PSMA8: variants seen among roughly 807,000 people sequenced by gnomAD.
The protein encoded by PSMA8 is proteasome subunit alpha-type 8.
Under a neutral mutation model 32.4 loss-of-function variants are expected in PSMA8, and 18 were observed. That is an observed-to-expected ratio of 0.56 (90% CI 0.38 to 0.82). PSMA8 has a LOEUF of 0.82. Ranked by LOEUF, PSMA8 falls within the 40% of genes least tolerant of loss-of-function variation. The pLI, the probability that PSMA8 is intolerant of heterozygous loss-of-function variation, is 0.00. For synonymous variants in PSMA8, 104 were observed against 98.1 expected, an observed-to-expected ratio of 1.06 and a Z score of -0.36; for missense variants, 298 against 300.7, an observed-to-expected ratio of 0.99 and a Z score of 0.07.
Position 26,171,392 on chromosome 18 carries a change from A to T in PSMA8, c.478-7438A>T, listed in dbSNP as rs994310526. 7 of 1,151,780 alleles carry T rather than the reference A, an allele frequency of 6.1e-6. No individual in the cohort carries two copies. In the African/African-American group the frequency reaches 1.3e-4, roughly 22 times the overall value. The allele number at this position is 1,151,780 out of a possible 1,614,324, so 71.3% of individuals were successfully genotyped here. On this transcript the variant is annotated intron_variant, in intron 4 of 6. Transcript: ENST00000415576. Reference sequence around the variant, plus strand: ...GTTATGACATACCAAGCAGACTAATATAACGTGTAATGGGCTTATTTTTAA... The same window carrying T: ...GTTATGACATACCAAGCAGACTAATTTAACGTGTAATGGGCTTATTTTTAA...
intron 6 of PSMA8, among the ~76,000 whole-genome samples, chr18:26,187,483 G>C (rs1029362543): frequency 4.6e-5 from 7 of 151,716 alleles, no homozygotes; most frequent in African/African-American, 1.7e-4. Context: ...AAAAGATATA[G>C]AATGACTGAA....
Position 26,170,671 on chromosome 18 carries a change from A to G in PSMA8, c.478-8159A>G, listed in dbSNP as rs532659869. 17 of 1,243,758 alleles carry G rather than the reference A, an allele frequency of 1.4e-5. 4 individuals are homozygous for G. The African/African-American group carries it at 1.7e-4, about 13-fold the overall frequency. The allele number at this position is 1,243,758 out of a possible 1,614,324, so 77.0% of individuals were successfully genotyped here. ...AAAACCTTTTCTAATGTAAAAATAC[A>G]TACTTTTTTCAGAGGGAGGGGGAAC... On this transcript the variant is annotated intron_variant, in intron 4 of 6. Coordinates refer to ENST00000415576, the MANE Select transcript of PSMA8 (RefSeq NM_001025096.2).
intron 1 of PSMA8, among the ~76,000 whole-genome samples, chr18:26,140,962 A>G (rs936132062): frequency 3.9e-5 from 6 of 152,192 alleles, no homozygotes; most frequent in Admixed American, 3.9e-4. Flanking sequence ...ATATCTTTCA[A>G]TCAGATTTTC....
chr18:26,178,607 C>G (rs981078709), intron 4 of PSMA8, among the ~76,000 whole-genome samples: 1 of 152,030 alleles, frequency 6.6e-6, no homozygotes, highest in Non-Finnish European at 1.5e-5. Context: ...ATCTCTAAAA[C>G]AAACAAAAAA....
chr18:26,167,610 C>T (rs929753886), intron 4 of PSMA8, among the ~76,000 whole-genome samples: 6 of 152,228 alleles, frequency 3.9e-5, no homozygotes, highest in Non-Finnish European at 5.9e-5. Flanking sequence ...TCCATAGGAT[C>T]GATGTCCTTA....
At chr18:26,188,488 A>C (rs1390401249) in intron 6 of PSMA8, among the ~76,000 whole-genome samples, 2 of 152,152 alleles carry the variant, frequency 1.3e-5, no homozygotes, top group African/African-American at 4.8e-5. Flanking sequence ...ATATAAAAAA[A>C]AATCATAAAA....
rs192991793 is a variant in PSMA8, at chr18:26,187,896, A to G, written c.661-4423A>G. On this transcript the variant is annotated intron_variant, in intron 6 of 6. Coordinates refer to ENST00000415576, the MANE Select transcript of PSMA8 (RefSeq NM_001025096.2). Reference sequence around the variant, plus strand: ...AGATCTTCCAGACAGAAAATCAGCAAAGAAACATCAGACTTAAACTGCACT... The same window carrying G: ...AGATCTTCCAGACAGAAAATCAGCAGAGAAACATCAGACTTAAACTGCACT... Among the ~76,000 whole-genome samples, 17 of 152,304 alleles carry G rather than the reference A, an allele frequency of 1.1e-4. No individual in the cohort carries two copies. In the East Asian group the frequency reaches 2.9e-3, roughly 26 times the overall value.
Position 26,159,975 on chromosome 18 carries a change from TA to T in PSMA8, c.477+1732del, listed in dbSNP as rs531280447. On this transcript the variant is annotated intron_variant, in intron 4 of 6. Transcript: ENST00000415576. ...TTTTATGTATTTGGCAGCTGAGATT[TA>T]GGGGTTAAGTGATTTTTGTTGCTGT... is the stretch of plus-strand genomic sequence containing the variant. Among the ~76,000 whole-genome samples, 22 of 152,314 alleles carry T rather than the reference TA, an allele frequency of 1.4e-4. No homozygotes were observed. In the South Asian group the frequency reaches 4.6e-3, roughly 32 times the overall value.
chr18:26,158,126 A>G lies in PSMA8; in HGVS notation c.359A>G (p.Tyr120Cys), dbSNP rs1279006150. The change falls in exon 4 of 7, where the codon TAT (tyrosine) becomes TGT (cysteine). Residue 120 changes from tyrosine to cysteine, a missense_variant. Transcript: ENST00000415576. Reference protein sequence around the residue: ...TRFIATLKQKYTQSNGRRPFG... With the variant: ...TRFIATLKQKCTQSNGRRPFG... ...AAATACGTTTTATTTTTCTAGAAAT[A>G]TACCCAAAGCAATGGACGAAGACCT... 1 of 1,576,310 alleles carries G rather than the reference A, an allele frequency of 6.3e-7. No individual in the cohort carries two copies. Among genetic ancestry groups the G allele is most frequent in the East Asian group, 2.2e-5 (1 of 44,468 alleles).
chr18:26,158,586 A>C (rs1479604757), intron 4 of PSMA8, among the ~76,000 whole-genome samples: 1 of 152,238 alleles, frequency 6.6e-6, no homozygotes, highest in Non-Finnish European at 1.5e-5. Flanking sequence ...TTTAACAAAG[A>C]ATTAGATGGA....
intron 2 of PSMA8, among the ~76,000 whole-genome samples, chr18:26,147,210 C>CAAAAAAA (rs57358976): frequency 2.1e-5 from 1 of 48,248 alleles, no homozygotes; most frequent in Non-Finnish European, 4.4e-5. Context: ...CACCCTGTCT[C>CAAAAAAA]AAAAAAAAAA....
intron 6 of PSMA8, among the ~76,000 whole-genome samples, chr18:26,181,938 A>G (rs1312514313): frequency 1.3e-5 from 2 of 151,964 alleles, no homozygotes; most frequent in South Asian, 4.2e-4. Context: ...AAAAAAAAAA[A>G]ACCAGTCTTG....
At chr18:26,137,053 T>C (rs1484843597) in intron 1 of PSMA8, among the ~76,000 whole-genome samples, 2 of 152,208 alleles carry the variant, frequency 1.3e-5, no homozygotes, top group Non-Finnish European at 2.9e-5. Context: ...TCAATAAATG[T>C]TTGTATATTA....
At chr18:26,163,194 T>G (rs2055148815) in intron 4 of PSMA8, among the ~76,000 whole-genome samples, 1 of 134,416 alleles carries the variant, frequency 7.4e-6, no homozygotes, top group African/African-American at 2.8e-5. Context: ...TAAAAGGTGG[T>G]GTGTGTTTAT....
intron 1 of PSMA8, among the ~76,000 whole-genome samples, chr18:26,140,622 G>A (rs1470449779): frequency 1.3e-5 from 2 of 152,090 alleles, no homozygotes; most frequent in African/African-American, 2.4e-5. Flanking sequence ...ATATTGTTTT[G>A]AGATTTTGGC....
intron 4 of PSMA8, chr18:26,171,061 GAA>G: frequency 6.4e-7 from 1 of 1,558,848 alleles, no homozygotes; most frequent in Non-Finnish European, 8.5e-7. Flanking sequence ...TCTCTGCTGA[GAA>G]CTAAATTAAT....
At position 26,192,405 on chromosome 18, in the gene PSMA8, T is replaced by C. The variant is rs2055411809; in HGVS notation, c.747T>C (p.Ser249=). ...CAGAGAAGAAAAAATCAAAGAAATC[T>C]GTCTAATTCTTAGGATGACCACTGG... ...EEAEKKKSKK[S]V Residue 249 remains serine, a synonymous_variant, in exon 7 of 7, where the codon TCT becomes TCC. Transcript: ENST00000415576. 1.3e-6 allele frequency: 2 copies of C among 1,528,902 alleles called. No individual in the cohort carries two copies. Among genetic ancestry groups the C allele is most frequent in the Middle Eastern group, 1.7e-4 (1 of 5,898 alleles). The allele number at this position is 1,528,902 out of a possible 1,614,324, so 94.7% of individuals were successfully genotyped here.
Position 26,136,609 on chromosome 18 carries a change from A to G in PSMA8, c.102+2542A>G, listed in dbSNP as rs1377330108. 2.6e-5 allele frequency among the ~76,000 whole-genome samples: 4 copies of G among 151,916 alleles called. No homozygotes were observed. In the East Asian group the frequency reaches 7.7e-4, roughly 29 times the overall value. ...TCTATAATGAAGCCTTCTCTGATCC[A>G]CTCCAGTCATCTTGGATCTTTGTCT... On this transcript the variant is annotated intron_variant, in intron 1 of 6. Transcript: ENST00000415576.
At position 26,133,971 on chromosome 18, in the gene PSMA8, G is replaced by A; in HGVS notation, c.6G>A (p.Ala2=). The A allele has an allele frequency of 1.2e-6, 2 of 1,613,612 alleles. No homozygotes were observed. The highest frequency in any genetic ancestry group is 1.1e-5 in the South Asian group (1 of 91,076). The change falls in exon 1 of 7, where the codon GCG becomes GCA. Residue 2 remains alanine, a synonymous_variant. Transcript: ENST00000415576. M[A]SRYDRAITVF... ...AGCCCTTGTAGTCCTGTGCGATGGC[G>A]TCTCGATATGACAGGGCGATCACTG...
Sources: gnomAD v4.1 joint callset for allele counts (sites outside exome capture counted in the v4.1 genomes callset) on GRCh38, gnomAD v4.1.1 for gene constraint, MANE v1.5 for transcripts, NCBI Gene and HGNC (gene_info 2026-07-23, HGNC 2026-07-21) for gene names.